The following NALF1 variants were observed in gnomAD, a reference collection of about 807,000 sequenced individuals.
NALF1 encodes family with sequence similarity 155 member A.
In NALF1, 3 loss-of-function variants were observed where a neutral mutation model predicts 48.4. The observed-to-expected ratio is 0.06, with a 90% CI of 0.03 to 0.16. The LOEUF (loss-of-function observed/expected upper bound fraction) is 0.16. Among genes scored for constraint, NALF1 ranks in the 10% least tolerant of loss-of-function variants. The pLI is 1.00. For missense variants in NALF1, 526 were observed against 571.5 expected, an observed-to-expected ratio of 0.92 and a Z score of 0.81; for synonymous variants, 262 against 245.7, an observed-to-expected ratio of 1.07 and a Z score of -0.62.
rs934742802 is a variant in NALF1 at position 107,168,850 on chromosome 13, T to G, written c.*1647A>C. ...TAGCTATAAAGTTAATAACTAAATT[T>G]TGTTCACTAAGAGGACCTTTTCTAT... On this transcript the variant is annotated 3_prime_UTR_variant, in exon 3 of 3. Coordinates refer to ENST00000375915, the MANE Select transcript of NALF1 (RefSeq NM_001080396.3). 6.6e-6 allele frequency: 1 copy of G among 152,652 alleles called. No homozygotes were observed. The highest frequency in any genetic ancestry group is 2.4e-5 in the African/African-American group (1 of 41,460). The allele number at this position is 152,652 out of a possible 1,614,324, so 9.5% of individuals were successfully genotyped here. A position where few individuals can be genotyped will look rare whatever the true frequency, so the allele number is the denominator to read the frequency against.
intron 1 of NALF1, among the ~76,000 whole-genome samples, chr13:107,503,754 T>C (rs1875599564): frequency 1.4e-4 from 2 of 14,370 alleles, no homozygotes; most frequent in Non-Finnish European, 2.5e-4. Context: ...TGTGTGTGTT[T>C]GTGTGTGTGT....
intron 1 of NALF1, among the ~76,000 whole-genome samples, chr13:107,336,376 T>C (rs1375060036): frequency 8.2e-6 from 1 of 122,392 alleles, no homozygotes; most frequent in Non-Finnish European, 1.8e-5. Context: ...ATGATAATAA[T>C]AATAATAATA....
intron 1 of NALF1, among the ~76,000 whole-genome samples, chr13:107,279,123 G>C (rs552830339): frequency 1.4e-5 from 2 of 145,658 alleles, no homozygotes; most frequent in South Asian, 4.5e-4. Flanking sequence ...ACTAAACTGA[G>C]CTTAAGGCCG....
chr13:107,249,524 T>C (rs1880652220), intron 1 of NALF1, among the ~76,000 whole-genome samples: 2 of 151,856 alleles, frequency 1.3e-5, no homozygotes, highest in Admixed American at 6.6e-5. Flanking sequence ...TGAGTGACCG[T>C]AGGTTGGGTA....
rs1358805616 is a variant in NALF1 at position 107,502,178 on chromosome 13, G to A, written c.916-291423C>T. On this transcript the variant is annotated intron_variant, in intron 1 of 2. Coordinates refer to ENST00000375915, the MANE Select transcript of NALF1 (RefSeq NM_001080396.3). ...AATTTTCATGAAAATACAAATATGAGAAAAAACACTTTGATAAGTCTTCCT... is the reference window on the plus strand; with the variant it reads ...AATTTTCATGAAAATACAAATATGAAAAAAAACACTTTGATAAGTCTTCCT... Among the ~76,000 whole-genome samples, 4 of 152,110 alleles carry A rather than the reference G, an allele frequency of 2.6e-5. No homozygotes were observed. The East Asian group carries it at 7.7e-4, about 29-fold the overall frequency.
At chr13:107,332,521 T>C (rs1882488206) in intron 1 of NALF1, among the ~76,000 whole-genome samples, 1 of 152,230 alleles carries the variant, frequency 6.6e-6, no homozygotes, top group Non-Finnish European at 1.5e-5. Context: ...TCTCTACGCA[T>C]GGCCCCTCAG....
chr13:107,424,344 C>T (rs555468592), intron 1 of NALF1, among the ~76,000 whole-genome samples: 1 of 152,114 alleles, frequency 6.6e-6, no homozygotes, highest in Admixed American at 6.6e-5. Flanking sequence ...TGCCACATTG[C>T]CCAGGCTAGT....
intron 1 of NALF1, among the ~76,000 whole-genome samples, chr13:107,762,621 G>A (rs1594250155): frequency 6.6e-6 from 1 of 151,928 alleles, no homozygotes; most frequent in East Asian, 1.9e-4. Flanking sequence ...CAGGAGAGGA[G>A]GAGTCAGTTC....
intron 1 of NALF1, among the ~76,000 whole-genome samples, chr13:107,680,105 G>C (rs1391604356): frequency 6.6e-6 from 1 of 151,922 alleles, no homozygotes; most frequent in Admixed American, 6.5e-5. Context: ...GTGCCCAGGT[G>C]CCCAGCTGCA....
At chr13:107,489,045 C>A (rs923450057) in intron 1 of NALF1, among the ~76,000 whole-genome samples, 1 of 151,886 alleles carries the variant, frequency 6.6e-6, no homozygotes, top group South Asian at 2.1e-4. Flanking sequence ...TAATAAAATA[C>A]GTAGGAATAC....
intron 1 of NALF1, among the ~76,000 whole-genome samples, chr13:107,811,536 A>C (rs1878991539): frequency 1.3e-5 from 2 of 152,190 alleles, no homozygotes; most frequent in African/African-American, 4.8e-5. Context: ...CAGGAAATGC[A>C]TATTATTAAT....
intron 1 of NALF1, among the ~76,000 whole-genome samples, chr13:107,587,604 G>A (rs548785596): frequency 2.6e-5 from 4 of 152,220 alleles, no homozygotes; most frequent in African/African-American, 7.2e-5. Flanking sequence ...GTCTGAGAAA[G>A]TGCTGTGTTT....
chr13:107,312,375 G>A (rs535361823), intron 1 of NALF1, among the ~76,000 whole-genome samples: 7 of 151,342 alleles, frequency 4.6e-5, no homozygotes, highest in African/African-American at 1.7e-4. Context: ...TGAACAATGA[G>A]AACACATGGA....
intron 1 of NALF1, among the ~76,000 whole-genome samples, chr13:107,549,870 C>T (rs1877240750): frequency 1.3e-5 from 2 of 151,910 alleles, no homozygotes; most frequent in Non-Finnish European, 2.9e-5. Flanking sequence ...ATACAGGATC[C>T]AATCCAGTTT....
chr13:107,834,968 T>C (rs943030955), intron 1 of NALF1, among the ~76,000 whole-genome samples: 39 of 152,184 alleles, frequency 2.6e-4, no homozygotes, highest in Admixed American at 2.6e-3. Context: ...ACGTCATAAA[T>C]GACAGCCTCT....
At chr13:107,742,688 AC>A (rs1206422783) in intron 1 of NALF1, among the ~76,000 whole-genome samples, 1 of 152,166 alleles carries the variant, frequency 6.6e-6, no homozygotes, top group Non-Finnish European at 1.5e-5. Flanking sequence ...GAATGGACTA[AC>A]ATAAGGTTAT....
chr13:107,436,927 A>G (rs971131195), intron 1 of NALF1, among the ~76,000 whole-genome samples: 3 of 152,180 alleles, frequency 2.0e-5, no homozygotes, highest in South Asian at 2.1e-4. Flanking sequence ...TTGTTCATCA[A>G]GAGACTATAT....
chr13:107,250,412 ATT>A (rs369977564), intron 1 of NALF1, among the ~76,000 whole-genome samples: 3,016 of 151,214 alleles, frequency 0.02, 91 homozygotes, highest in African/African-American at 0.07. Context: ...TGAATTATTA[ATT>A]TTTTTTTTAA....
At chr13:107,304,118 A>G (rs1881891956) in intron 1 of NALF1, among the ~76,000 whole-genome samples, 1 of 152,104 alleles carries the variant, frequency 6.6e-6, no homozygotes, top group Non-Finnish European at 1.5e-5. Flanking sequence ...TGGTTATATT[A>G]ATATACTTAA....
Sources: allele counts gnomAD v4.1 joint callset (sites outside exome capture counted in the v4.1 genomes callset), GRCh38; gene constraint gnomAD v4.1.1; transcripts MANE v1.5; gene names NCBI Gene and HGNC (gene_info 2026-07-23, HGNC 2026-07-21).